Variants in SCUBE1 observed in about 807,000 individuals in gnomAD.
The protein encoded by SCUBE1 is signal peptide, CUB and EGF-like domain-containing protein 1.
Under a neutral mutation model 124.4 loss-of-function variants are expected in SCUBE1, and 59 were observed. The ratio of observed to expected loss-of-function variants is 0.47; its 90% CI spans 0.38 to 0.59. The LOEUF (loss-of-function observed/expected upper bound fraction) is 0.59, where lower values mean the gene tolerates loss of function less well. Among genes scored for constraint, SCUBE1 ranks in the 20% least tolerant of loss-of-function variants. The pLI is 0.00. For synonymous variants in SCUBE1, 545 were observed against 550.9 expected (o/e 0.99, Z 0.15); for missense variants, 1,150 against 1,371.2 (o/e 0.84, Z 2.55).
intron 6 of SCUBE1, among the ~76,000 whole-genome samples, chr22:43,246,937 T>A (rs918488871): frequency 2.0e-5 from 3 of 149,384 alleles, no homozygotes; most frequent in East Asian, 2.1e-4. Flanking sequence ...CCTCTCCCTC[T>A]CCAGAGCTTC....
chr22:43,221,181 G>T lies in SCUBE1; in HGVS notation c.1541C>A (p.Pro514Gln). The stretch of plus-strand genomic sequence containing the variant: ...CAGGGCGTCCCACTCACCCAGCAGC[G>T]GCTGCCTGGCGGTCTCCTTTGCTCG... ...QARAKETARQ[P>Q]LLDHCHVTFV... Residue 514 changes from proline to glutamine, a missense_variant, in exon 13 of 22, where the codon CCG becomes CAG. Pro to Gln is a moderately conservative substitution (Grantham distance 76, BLOSUM62 -1). Around this residue, in one of 3 missense-constraint regions of SCUBE1, gnomAD observed 757 missense variants for 840.9 expected, o/e 0.90. Transcript: ENST00000360835. 6.2e-7 allele frequency: 1 copy of T among 1,608,958 alleles called. No homozygotes were observed.
chr22:43,219,614 C>T (rs1034053444), intron 14 of SCUBE1, among the ~76,000 whole-genome samples: 11 of 151,806 alleles, frequency 7.2e-5, no homozygotes, highest in Non-Finnish European at 1.5e-4. Flanking sequence ...GCTGGGATTA[C>T]AGGTGCCTGC....
chr22:43,335,853 G>GTGA (rs1927055205), intron 2 of SCUBE1, among the ~76,000 whole-genome samples: 1 of 137,502 alleles, frequency 7.3e-6, no homozygotes, highest in African/African-American at 2.7e-5. Context: ...AATGATGATG[G>GTGA]TGGTGATGAT....
At chr22:43,270,203 A>G (rs1924238908) in intron 4 of SCUBE1, 1 of 152,268 alleles carries the variant, frequency 6.6e-6, no homozygotes, top group Admixed American at 6.5e-5. Context: ...AGGTATGTGT[A>G]CAAGGAGTAT....
At chr22:43,217,481 C>T (rs944670566) in intron 15 of SCUBE1, among the ~76,000 whole-genome samples, 13 of 152,076 alleles carry the variant, frequency 8.5e-5, no homozygotes, top group African/African-American at 3.1e-4. Flanking sequence ...GGAGCCCCCT[C>T]CATCTCATGC....
intron 3 of SCUBE1, among the ~76,000 whole-genome samples, chr22:43,319,650 CAAG>C (rs1926476024): frequency 1.3e-5 from 2 of 150,864 alleles, no homozygotes; most frequent in African/African-American, 4.9e-5. Context: ...TATGAAGACA[CAAG>C]GAGAAAGAAG....
intron 4 of SCUBE1, among the ~76,000 whole-genome samples, chr22:43,268,498 G>A (rs982401436): frequency 1.3e-5 from 2 of 152,252 alleles, no homozygotes; most frequent in Admixed American, 6.5e-5. Context: ...CCAATTACAT[G>A]CTACAAACTC....
intron 4 of SCUBE1, among the ~76,000 whole-genome samples, chr22:43,287,928 C>T (rs1388669144): frequency 6.6e-6 from 1 of 152,234 alleles, no homozygotes; most frequent in Non-Finnish European, 1.5e-5. Flanking sequence ...GTCCCTGTCT[C>T]CCCAATGGGC....
intron 4 of SCUBE1, among the ~76,000 whole-genome samples, chr22:43,280,443 C>T (rs116698291): frequency 0.017 from 1,257 of 73,336 alleles, 65 homozygotes; most frequent in East Asian, 0.15. Flanking sequence ...TCACCCATCC[C>T]CCTGTCCCTT....
At chr22:43,315,472 C>T (rs1384951963) in intron 3 of SCUBE1, among the ~76,000 whole-genome samples, 1 of 152,150 alleles carries the variant, frequency 6.6e-6, no homozygotes, top group Non-Finnish European at 1.5e-5. Context: ...CCAGTTCTTA[C>T]AGCATTTCAT....
chr22:43,340,064 T>C (rs1282951869), intron 1 of SCUBE1, among the ~76,000 whole-genome samples: 2 of 147,998 alleles, frequency 1.4e-5, no homozygotes, highest in Non-Finnish European at 3.0e-5. Flanking sequence ...TCCCTTTGGG[T>C]TCCAGATGGG....
intron 4 of SCUBE1, among the ~76,000 whole-genome samples, chr22:43,264,290 G>C (rs1923980952): frequency 6.6e-6 from 1 of 152,226 alleles, no homozygotes; most frequent in South Asian, 2.1e-4. Flanking sequence ...CCTAATCTTA[G>C]AAGGGGCAGG....
Position 43,202,724 on chromosome 22 carries a change from C to T in SCUBE1, c.*1273G>A, listed in dbSNP as rs184432643. 5 of 152,382 alleles carry T rather than the reference C, an allele frequency of 3.3e-5. No individual in the cohort carries two copies. In the East Asian group the frequency reaches 9.6e-4, roughly 29 times the overall value. 9.4% of individuals were successfully genotyped at this position (152,382 alleles called of 1,614,324 possible). On this transcript the variant is annotated 3_prime_UTR_variant, in exon 22 of 22. Coordinates refer to ENST00000360835, the MANE Select transcript of SCUBE1 (RefSeq NM_173050.5). ...AGCCATGTGGAAATGTGAGTCAATT[C>T]AACCTCTTTCCTTTATAGGAAGGAA...
At chr22:43,332,362 G>A (rs940947627) in intron 2 of SCUBE1, among the ~76,000 whole-genome samples, 2 of 152,096 alleles carry the variant, frequency 1.3e-5, no homozygotes, top group Admixed American at 6.5e-5. Flanking sequence ...AAATAATAAC[G>A]GTATCACAAA....
At chr22:43,204,715 C>T (rs1183892191) in intron 21 of SCUBE1, among the ~76,000 whole-genome samples, 20 of 151,904 alleles carry the variant, frequency 1.3e-4, no homozygotes, top group Non-Finnish European at 4.4e-5. Flanking sequence ...GAGGCTGAGG[C>T]GGGCAGATCA....
In SCUBE1 at chr22:43,320,153, A is replaced by G. The variant is rs981136651; in HGVS notation, c.221-88T>C. 3.3e-6 allele frequency: 5 copies of G among 1,509,408 alleles called. No homozygotes were observed. The Admixed American group carries it at 8.7e-5, about 26-fold the overall frequency. The allele number at this position is 1,509,408 out of a possible 1,614,324, so 93.5% of individuals were successfully genotyped here. On this transcript the variant is annotated intron_variant, in intron 2 of 21. Coordinates refer to ENST00000360835, the MANE Select transcript of SCUBE1 (RefSeq NM_173050.5). ...CATGGAAGCCACCGGGATCTGAGTG[A>G]TTAGGGGATGATTCAACAAGTATTC...
intron 3 of SCUBE1, among the ~76,000 whole-genome samples, chr22:43,293,483 C>CGA (rs2146754642): frequency 6.6e-6 from 1 of 152,362 alleles, no homozygotes; most frequent in African/African-American, 2.4e-5. Context: ...ACCAATGCTG[C>CGA]GAAGAGCCGG....
chr22:43,233,948 A>G (rs1440421273), intron 7 of SCUBE1, among the ~76,000 whole-genome samples: 1 of 151,794 alleles, frequency 6.6e-6, no homozygotes, highest in Non-Finnish European at 1.5e-5. Context: ...GTGACCTTCA[A>G]AACAACCCAG....
At chr22:43,229,787 AG>A (rs1470750961) in intron 8 of SCUBE1, among the ~76,000 whole-genome samples, 1 of 152,182 alleles carries the variant, frequency 6.6e-6, no homozygotes, top group East Asian at 1.9e-4. Context: ...AAAGGGAAAG[AG>A]GGAAGGTCAT....
Sources: gnomAD v4.1 joint callset for allele counts (sites outside exome capture counted in the v4.1 genomes callset) on GRCh38, gnomAD v4.1.1 for gene constraint, gnomAD v4.1.1 regional missense constraint, MANE v1.5 for transcripts, NCBI Gene and HGNC (gene_info 2026-07-23, HGNC 2026-07-21) for gene names.